CHODL: variants seen among roughly 807,000 people sequenced by gnomAD.
CHODL encodes the protein chondrolectin.
In CHODL, 29 loss-of-function variants were observed where a neutral mutation model predicts 34.5. The observed-to-expected ratio is 0.84, with a 90% CI of 0.63 to 1.15. The LOEUF is 1.15. CHODL is among the 50% of genes most tolerant of loss of function. The probability of loss-of-function intolerance (pLI) is 0.00; values close to 1 mark genes in which losing one functional copy is unlikely to be tolerated. For synonymous variants in CHODL, 125 were observed against 116.1 expected, an observed-to-expected ratio of 1.08 and a Z score of -0.49; for missense variants, 332 against 332.5, an observed-to-expected ratio of 1.00 and a Z score of 0.01.
chr21:18,081,773 T>G (rs1172455092), intron 2 of CHODL, among the ~76,000 whole-genome samples: 3 of 152,164 alleles, frequency 2.0e-5, no homozygotes, highest in African/African-American at 7.2e-5. Flanking sequence ...TCGTTAAGTA[T>G]GATGTTGGCT....
At chr21:18,075,811 C>T (rs920577699) in intron 2 of CHODL, among the ~76,000 whole-genome samples, 30 of 152,118 alleles carry the variant, frequency 2.0e-4, no homozygotes, top group Admixed American at 1.6e-3. Flanking sequence ...AAGATAATGG[C>T]GTTAGGAGGT....
intron 5 of CHODL, among the ~76,000 whole-genome samples, chr21:18,264,809 A>T (rs992225656): frequency 1.3e-5 from 2 of 152,010 alleles, no homozygotes; most frequent in African/African-American, 2.4e-5. Context: ...AGAAACTGTT[A>T]TGTTACCAAA....
intron 2 of CHODL, among the ~76,000 whole-genome samples, chr21:18,204,811 A>G (rs193182768): frequency 3.3e-5 from 5 of 152,238 alleles, no homozygotes; most frequent in Admixed American, 2.6e-4. Context: ...TAGATATTCA[A>G]TTTTTCAAAA....
chr21:17,968,187 C>T (rs1009771111), intron 1 of CHODL, among the ~76,000 whole-genome samples: 19 of 152,204 alleles, frequency 1.2e-4, no homozygotes, highest in Non-Finnish European at 2.8e-4. Context: ...GATAGGGCCT[C>T]CTCCTCCATA....
At chr21:17,975,664 T>C (rs961256062) in intron 1 of CHODL, among the ~76,000 whole-genome samples, 17 of 152,162 alleles carry the variant, frequency 1.1e-4, no homozygotes, top group Admixed American at 3.9e-4. Context: ...GCCAGAAGTA[T>C]TCCTTCTGTA....
At chr21:18,076,404 A>G (rs995203535) in intron 2 of CHODL, among the ~76,000 whole-genome samples, 13 of 152,220 alleles carry the variant, frequency 8.5e-5, no homozygotes, top group African/African-American at 3.1e-4. Context: ...TAGAAGATAG[A>G]ACTTGTGTAA....
chr21:18,095,891 A>C (rs1377101537), intron 2 of CHODL, among the ~76,000 whole-genome samples: 2 of 152,214 alleles, frequency 1.3e-5, no homozygotes, highest in African/African-American at 4.8e-5. Flanking sequence ...CAAGAGAATG[A>C]GGAACAAAAA....
At chr21:18,144,873 T>C (rs2072849897) in intron 2 of CHODL, among the ~76,000 whole-genome samples, 1 of 150,878 alleles carries the variant, frequency 6.6e-6, no homozygotes, top group Admixed American at 6.7e-5. Context: ...AAGCAGGTTA[T>C]ATTCAGAATC....
intron 2 of CHODL, among the ~76,000 whole-genome samples, chr21:18,193,550 G>A (rs1480947909): frequency 6.6e-6 from 1 of 151,586 alleles, no homozygotes; most frequent in East Asian, 1.9e-4. Context: ...ACAAAAATTA[G>A]CCACACATGG....
rs1007409435 is a variant in CHODL, at chr21:17,917,572, A to G, written c.-145+172A>G. On this transcript the variant is annotated intron_variant, in intron 1 of 6. Transcript: ENST00000400127. The stretch of plus-strand genomic sequence containing the variant: ...TGGAGGGGACACTTGGAAGAGATTC[A>G]TGCCCTACCCAAGGTGGGGCCATCT... 3.3e-5 allele frequency among the ~76,000 whole-genome samples: 5 copies of G among 151,148 alleles called. No individual in the cohort carries two copies. In the East Asian group the frequency reaches 9.7e-4, roughly 29 times the overall value.
intron 1 of CHODL, among the ~76,000 whole-genome samples, chr21:17,927,142 G>A (rs1010824458): frequency 2.1e-5 from 2 of 93,438 alleles, no homozygotes; most frequent in South Asian, 9.0e-4. Flanking sequence ...ATGTATATAT[G>A]TATATATGTA....
At chr21:17,956,357 G>A (rs1160339158) in intron 1 of CHODL, among the ~76,000 whole-genome samples, 1 of 135,528 alleles carries the variant, frequency 7.4e-6, no homozygotes, top group Non-Finnish European at 1.7e-5. Context: ...GCCTCCTGAG[G>A]CCCCCCCAGA....
At chr21:17,995,160 G>A (rs73890880) in intron 1 of CHODL, among the ~76,000 whole-genome samples, 1,988 of 152,230 alleles carry the variant, frequency 0.013, 56 homozygotes, top group African/African-American at 0.045. Flanking sequence ...CTGTTGGGAC[G>A]CAGGGCAGGA....
At chr21:18,250,339 G>T (rs1430705175) in intron 1 of CHODL, among the ~76,000 whole-genome samples, 1 of 151,994 alleles carries the variant, frequency 6.6e-6, no homozygotes, top group Non-Finnish European at 1.5e-5. Context: ...ATAGTCTCAT[G>T]CTCTTCTCAG....
At chr21:17,961,206 G>C (rs1490221566) in intron 1 of CHODL, among the ~76,000 whole-genome samples, 1 of 152,162 alleles carries the variant, frequency 6.6e-6, no homozygotes, top group East Asian at 1.9e-4. Flanking sequence ...AGACTTCAGT[G>C]TTATTGTAGC....
chr21:18,098,848 G>A (rs894083366), intron 2 of CHODL, among the ~76,000 whole-genome samples: 1 of 152,054 alleles, frequency 6.6e-6, no homozygotes, highest in African/African-American at 2.4e-5. Flanking sequence ...GAGATGAATG[G>A]AAAAGGAACA....
chr21:18,164,666 T>C (rs565180031), intron 2 of CHODL, among the ~76,000 whole-genome samples: 1 of 152,172 alleles, frequency 6.6e-6, no homozygotes, highest in Non-Finnish European at 1.5e-5. Context: ...CAAGTTTGTG[T>C]CATTAGCCCT....
intron 1 of CHODL, among the ~76,000 whole-genome samples, chr21:17,946,298 G>A (rs1448524648): frequency 2.0e-5 from 3 of 151,954 alleles, no homozygotes; most frequent in Non-Finnish European, 2.9e-5. Context: ...GGGTGCCTGT[G>A]GTCCCAGCTA....
chr21:18,197,759 C>T (rs1478930265), intron 2 of CHODL, among the ~76,000 whole-genome samples: 3 of 152,100 alleles, frequency 2.0e-5, no homozygotes, highest in Non-Finnish European at 2.9e-5. Flanking sequence ...AATTCCAAAA[C>T]TGGGGTCCCA....
Sources: allele counts gnomAD v4.1 joint callset (sites outside exome capture counted in the v4.1 genomes callset), GRCh38; gene constraint gnomAD v4.1.1; transcripts MANE v1.5; gene names NCBI Gene and HGNC (gene_info 2026-07-23, HGNC 2026-07-21).